DEPDC5: variants seen among roughly 807,000 people sequenced by gnomAD.
DEPDC5 encodes DEP domain containing 5, GATOR1 subcomplex subunit.
In DEPDC5, 73 loss-of-function variants were observed where a neutral mutation model predicts 217.3. The observed-to-expected ratio is 0.34, with a 90% CI of 0.28 to 0.41. The LOEUF (loss-of-function observed/expected upper bound fraction) is 0.41, where lower values mean the gene tolerates loss of function less well. Ranked by LOEUF, DEPDC5 falls within the 10% of genes least tolerant of loss-of-function variation. The pLI, the probability that DEPDC5 is intolerant of heterozygous loss-of-function variation, is 1.00. For synonymous variants in DEPDC5, 733 were observed against 756.7 expected (o/e 0.97, Z 0.51); for missense variants, 1,675 against 2,070.1 (o/e 0.81, Z 3.70).
rs776995838 is a variant in DEPDC5, at chr22:31,897,470, A to G, written c.4204-12A>G. 12 of 1,605,848 alleles carry G rather than the reference A, an allele frequency of 7.5e-6. No individual in the cohort carries two copies. Among genetic ancestry groups the G allele is most frequent in the Non-Finnish European group, 1.0e-5 (12 of 1,175,332 alleles). The stretch of plus-strand genomic sequence containing the variant: ...TGGAGATGATATTGTTTGTTTCTGT[A>G]CTTTCCGCCAGGTCCAAGGTTGGCA... On this transcript the variant is annotated splice_polypyrimidine_tract_variant and intron_variant, in intron 39 of 42. Transcript: ENST00000651528.
intron 40 of DEPDC5, among the ~76,000 whole-genome samples, chr22:31,900,136 T>C (rs1169348397): frequency 6.6e-6 from 1 of 152,054 alleles, no homozygotes; most frequent in Non-Finnish European, 1.5e-5. Context: ...AACCTCCGCC[T>C]CCTGGGTTCA....
rs1333910564 is a variant in DEPDC5, at chr22:31,754,144, G to A, written c.-81G>A. 6.5e-6 allele frequency: 1 copy of A among 152,722 alleles called. No homozygotes were observed. The highest frequency in any genetic ancestry group is 1.9e-4 in the East Asian group (1 of 5,214). The allele number at this position is 152,722 out of a possible 1,614,324, so 9.5% of individuals were successfully genotyped here. On this transcript the variant is annotated 5_prime_UTR_variant, in exon 1 of 43. Coordinates refer to ENST00000651528, the MANE Select transcript of DEPDC5 (RefSeq NM_001242896.3). ...GCCCTCAGTGCCCCGGCCAGAGGCG[G>A]GAAGGGGCTCTAGAGCTTCGGTGAG...
chr22:31,880,021 T>C (rs2093132116), intron 38 of DEPDC5: 3 of 447,072 alleles, frequency 6.7e-6, no homozygotes, highest in Non-Finnish European at 1.2e-5. Context: ...AGAAGAAATA[T>C]GTGGCCAATT....
At chr22:31,817,848 C>T (rs577940754) in intron 21 of DEPDC5, among the ~76,000 whole-genome samples, 82 of 152,132 alleles carry the variant, frequency 5.4e-4, no homozygotes, top group Middle Eastern at 3.4e-3. Context: ...ACTAACTAGA[C>T]TATGTTCTTT....
chr22:31,825,496 C>T (rs1375829116), intron 24 of DEPDC5, among the ~76,000 whole-genome samples: 1 of 152,148 alleles, frequency 6.6e-6, no homozygotes, highest in Non-Finnish European at 1.5e-5. Context: ...ATGGACCTCT[C>T]TGCTCAGATG....
At chr22:31,896,061 T>C (rs1402130132) in intron 39 of DEPDC5, among the ~76,000 whole-genome samples, 1 of 151,652 alleles carries the variant, frequency 6.6e-6, no homozygotes, top group Non-Finnish European at 1.5e-5. Context: ...GACACACACA[T>C]ATAGTTATAG....
At chr22:31,778,760 A>T (rs1434268584) in intron 8 of DEPDC5, among the ~76,000 whole-genome samples, 1 of 152,164 alleles carries the variant, frequency 6.6e-6, no homozygotes, top group Non-Finnish European at 1.5e-5. Context: ...ACCTTTGCCA[A>T]TGAACGTTAC....
At chr22:31,786,585 T>G (rs1460632486) in intron 10 of DEPDC5, among the ~76,000 whole-genome samples, 5 of 151,850 alleles carry the variant, frequency 3.3e-5, no homozygotes, top group Non-Finnish European at 2.9e-5. Context: ...CCTCCCAGGT[T>G]CAAACAACCT....
chr22:31,902,311 T>G (rs1349652646), intron 41 of DEPDC5, among the ~76,000 whole-genome samples: 1 of 151,580 alleles, frequency 6.6e-6, no homozygotes, highest in Non-Finnish European at 1.5e-5. Context: ...TGGTATCTGA[T>G]GGCCACTTCA....
intron 39 of DEPDC5, chr22:31,894,094 C>T (rs943525846): frequency 6.1e-6 from 1 of 164,960 alleles, no homozygotes; most frequent in African/African-American, 2.4e-5. Context: ...AAAATGTCCC[C>T]AGATATTGTC....
Position 31,804,417 on chromosome 22 carries a change from G to A in DEPDC5, c.1143+194G>A, listed in dbSNP as rs11704377. On this transcript the variant is annotated intron_variant, in intron 16 of 42. Coordinates refer to ENST00000651528, the MANE Select transcript of DEPDC5 (RefSeq NM_001242896.3). ...TGAATAACCACTGCACTCCAGCCTGGGCAGCAAAGCAAGACTCTATCTCTA... is the reference window on the plus strand; with the variant it reads ...TGAATAACCACTGCACTCCAGCCTGAGCAGCAAAGCAAGACTCTATCTCTA... Among the ~76,000 whole-genome samples the A allele has an allele frequency of 0.1, 15,183 of 152,084 alleles. 825 individuals carry two copies. The highest frequency in any genetic ancestry group is 0.14 in the Admixed American group (2,136 of 15,242).
At chr22:31,772,707 C>T (rs1236831592) in intron 7 of DEPDC5, among the ~76,000 whole-genome samples, 1 of 151,836 alleles carries the variant, frequency 6.6e-6, no homozygotes, top group African/African-American at 2.4e-5. Context: ...TTGCCAGCCT[C>T]GGTTTGGAAA....
intron 10 of DEPDC5, among the ~76,000 whole-genome samples, chr22:31,791,418 CTT>C (rs1464796232): frequency 1.3e-5 from 2 of 151,520 alleles, no homozygotes; most frequent in African/African-American, 2.4e-5. Flanking sequence ...AAGCAGATCA[CTT>C]GAGGCCATGA....
intron 12 of DEPDC5, among the ~76,000 whole-genome samples, chr22:31,793,584 T>G (rs1180208934): frequency 6.6e-6 from 1 of 152,074 alleles, no homozygotes; most frequent in Non-Finnish European, 1.5e-5. Context: ...ATTATTATTA[T>G]TTTTTGAGAC....
intron 21 of DEPDC5, 80 bp from the exon 22 acceptor site, chr22:31,818,942 G>A: frequency 7.0e-7 from 1 of 1,432,948 alleles, no homozygotes; most frequent in South Asian, 1.2e-5. Flanking sequence ...TGTCAGCCTT[G>A]GTTTATCATT....
chr22:31,898,985 T>C (rs2093602189), intron 40 of DEPDC5, among the ~76,000 whole-genome samples: 2 of 152,252 alleles, frequency 1.3e-5, no homozygotes, highest in Non-Finnish European at 2.9e-5. Flanking sequence ...AAGCAGCTCC[T>C]GGTACTATTG....
At chr22:31,758,757 C>A in intron 3 of DEPDC5, 124 bp downstream of exon 3, 1 of 975,736 alleles carries the variant, frequency 1.0e-6, no homozygotes, top group Non-Finnish European at 1.6e-6. Context: ...GTAATTCCAG[C>A]ACTTTGGGAG....
At chr22:31,797,450 G>T in intron 12 of DEPDC5, 150 bp from the exon 13 acceptor site, 4 of 627,040 alleles carry the variant, frequency 6.4e-6, no homozygotes, top group Non-Finnish European at 1.1e-5. Context: ...AGAACAGCAT[G>T]GAGGAAACCA....
intron 34 of DEPDC5, among the ~76,000 whole-genome samples, chr22:31,872,417 C>G (rs1297957348): frequency 6.6e-6 from 1 of 152,192 alleles, no homozygotes; most frequent in Non-Finnish European, 1.5e-5. Context: ...TATAAACATT[C>G]GCCTCACATC....
Sources: gnomAD v4.1 joint callset for allele counts (sites outside exome capture counted in the v4.1 genomes callset) on GRCh38, gnomAD v4.1.1 for gene constraint, MANE v1.5 for transcripts, NCBI Gene and HGNC (gene_info 2026-07-23, HGNC 2026-07-21) for gene names.